UQCRC1: variants seen among roughly 807,000 people sequenced by gnomAD.
UQCRC1 encodes the protein ubiquinol-cytochrome c reductase core protein 1, also known as cytochrome b-c1 complex subunit 1, mitochondrial.
Under a neutral mutation model 58.0 loss-of-function variants are expected in UQCRC1, and 34 were observed. The observed-to-expected ratio is 0.59, with a 90% CI of 0.45 to 0.78. The LOEUF is 0.78. Among genes scored for constraint, UQCRC1 ranks in the 30% least tolerant of loss-of-function variants. The pLI is 0.00. For missense variants in UQCRC1, 610 were observed against 646.0 expected, an observed-to-expected ratio of 0.94 and a Z score of 0.60; for synonymous variants, 276 against 248.8, an observed-to-expected ratio of 1.11 and a Z score of -1.03.
chr3:48,605,161 C>T (rs748416520), intron 3 of UQCRC1, among the ~76,000 whole-genome samples: 10 of 152,238 alleles, frequency 6.6e-5, no homozygotes, highest in Non-Finnish European at 1.5e-4. Context: ...ACCCACTCCT[C>T]CCATGCCATT....
Position 48,601,115 on chromosome 3 carries a change from G to A in UQCRC1, c.826C>T (p.Arg276Cys), listed in dbSNP as rs201911056. 81 of 1,598,934 alleles carry A rather than the reference G, an allele frequency of 5.1e-5. No individual in the cohort carries two copies. The highest frequency in any genetic ancestry group is 3.7e-4 in the South Asian group (33 of 89,966). ...TPCRFTGSEIRHRDDALPFAH... is the reference protein window; with the variant it reads ...TPCRFTGSEICHRDDALPFAH... ...AAAGGTAGAGCATCATCACGGTGGC[G>A]GATCTGAAACAGTACATGACAAGGC... The change falls in exon 8 of 13, where the codon CGC becomes TGC. Residue 276 changes from arginine (R) to cysteine (C), a missense_variant. Physicochemically the swap from Arg to Cys is radical, Grantham distance 180. Transcript: ENST00000203407.
At chr3:48,609,069 C>A in intron 2 of UQCRC1, 93 bp downstream of exon 2, 1 of 1,510,544 alleles carries the variant, frequency 6.6e-7, no homozygotes, top group Non-Finnish European at 8.9e-7. Flanking sequence ...AAACCACAAA[C>A]GGGAAGACTC....
intron 2 of UQCRC1, among the ~76,000 whole-genome samples, chr3:48,607,282 T>C (rs1307680863): frequency 2.0e-5 from 3 of 151,986 alleles, no homozygotes; most frequent in East Asian, 1.9e-4. Flanking sequence ...ACCTTGTGAT[T>C]CGCCCGCCTC....
At chr3:48,601,577 AG>A in intron 6 of UQCRC1, 110 bp from the exon 7 acceptor site, 1 of 954,914 alleles carries the variant, frequency 1.0e-6, no homozygotes. Flanking sequence ...GGGAGAAACC[AG>A]GAGTATGTGA....
rs751867237 is a variant in UQCRC1 at position 48,601,057 on chromosome 3, C to T, written c.884G>A (p.Gly295Asp). Residue 295 changes from glycine (G) to aspartate (D), a missense_variant, in exon 8 of 13, where the codon GGC (glycine) becomes GAC (aspartate). By Grantham distance (94) the Gly-to-Asp change is moderately conservative. Coordinates refer to ENST00000203407, the MANE Select transcript of UQCRC1 (RefSeq NM_003365.3). ...GGCCACATTGTCCGGGCTGGCCCAG[C>T]CAGGACCCTCTACTGCAATGGCCAC... is the stretch of plus-strand genomic sequence containing the variant. ...AHVAIAVEGP[G>D]WASPDNVALQ... The T allele has an allele frequency of 5.0e-6, 8 of 1,610,726 alleles. No individual in the cohort carries two copies. Among genetic ancestry groups the T allele is most frequent in the Non-Finnish European group, 6.8e-6 (8 of 1,177,328 alleles).
chr3:48,605,325 A>G (rs563383321), intron 3 of UQCRC1, among the ~76,000 whole-genome samples: 70 of 152,316 alleles, frequency 4.6e-4, no homozygotes, highest in African/African-American at 1.6e-3. Flanking sequence ...TAGGTTGCCT[A>G]CTATGGCTCC....
chr3:48,607,583 G>A (rs1275064058), intron 2 of UQCRC1, among the ~76,000 whole-genome samples: 1 of 150,130 alleles, frequency 6.7e-6, no homozygotes, highest in Non-Finnish European at 1.5e-5. Flanking sequence ...TTAAGACAGA[G>A]GGCCTTGCTC....
chr3:48,601,867 C>G (rs1335605942), intron 6 of UQCRC1, among the ~76,000 whole-genome samples: 1 of 152,162 alleles, frequency 6.6e-6, no homozygotes, highest in African/African-American at 2.4e-5. Flanking sequence ...GCTGCTGGCC[C>G]TGCAGGGGGT....
chr3:48,600,047 CA>C lies in UQCRC1; in HGVS notation c.1302+15del, dbSNP rs749871981. 9.9e-6 allele frequency: 16 copies of C among 1,613,972 alleles called. No individual in the cohort carries two copies. The highest frequency in any genetic ancestry group is 1.3e-5 in the African/African-American group (1 of 74,926). On this transcript the variant is annotated intron_variant, in intron 11 of 12. Coordinates refer to ENST00000203407, the MANE Select transcript of UQCRC1 (RefSeq NM_003365.3). The stretch of plus-strand genomic sequence containing the variant: ...CAGGCCAAGACTCCAGAACCTCTCC[CA>C]GGGGTCCATGTTACCGCAATCCGGC...
chr3:48,604,057 A>G (rs2046389428), intron 5 of UQCRC1, 176 bp downstream of exon 5: 4 of 695,708 alleles, frequency 5.7e-6, no homozygotes, highest in East Asian at 5.3e-5. Context: ...ATTCAAGTGA[A>G]GCCCACAAAG....
chr3:48,600,439 G>GC, intron 10 of UQCRC1, 43 bp downstream of exon 10: 1 of 1,608,458 alleles, frequency 6.2e-7, no homozygotes, highest in South Asian at 1.1e-5. Flanking sequence ...GCTGTCGCTG[G>GC]CAAGATGTAC....
chr3:48,609,426 C>G (rs1394451809), intron 1 of UQCRC1, 124 bp from the exon 2 acceptor site: 1 of 1,511,198 alleles, frequency 6.6e-7, no homozygotes, highest in Non-Finnish European at 8.9e-7. Context: ...CCCCGCCCTC[C>G]GCCGTGACCT....
At chr3:48,600,178 G>A in intron 10 of UQCRC1, 27 bp from the exon 11 acceptor site, 1 of 1,612,174 alleles carries the variant, frequency 6.2e-7, no homozygotes, top group Non-Finnish European at 8.5e-7. Flanking sequence ...AGGCTCAGAG[G>A]TCCACCCAGC....
At chr3:48,602,915 C>G (rs1281349147) in intron 6 of UQCRC1, among the ~76,000 whole-genome samples, 2 of 152,056 alleles carry the variant, frequency 1.3e-5, no homozygotes, top group Non-Finnish European at 2.9e-5. Flanking sequence ...ATCTACTGCT[C>G]CCCCTTGCTC....
chr3:48,604,561 G>C, intron 4 of UQCRC1, 90 bp downstream of exon 4: 1 of 1,598,330 alleles, frequency 6.3e-7, no homozygotes. Context: ...TACGCTAAGG[G>C]TAATATGATT....
intron 9 of UQCRC1, 42 bp from the exon 10 acceptor site, chr3:48,600,609 G>A: frequency 6.2e-7 from 1 of 1,614,128 alleles, no homozygotes; most frequent in Non-Finnish European, 8.5e-7. Context: ...GAGCCAGTGT[G>A]TCATCTCTCA....
rs573622450 is a variant in UQCRC1, at chr3:48,606,002, G to A, written c.211-146C>T. On this transcript the variant is annotated intron_variant, in intron 2 of 12. Transcript: ENST00000203407. ...AGAGCTGCCCCAGCAGGACCCCTGT[G>A]CTTGGGGACACAGTCATGCTTGGAA... 3 of 696,294 alleles carry A rather than the reference G, an allele frequency of 4.3e-6. No homozygotes were observed. The South Asian group carries it at 6.1e-5, about 14-fold the overall frequency. 43.1% of individuals were successfully genotyped at this position (696,294 alleles called of 1,614,324 possible). A position where few individuals can be genotyped will look rare whatever the true frequency, so the allele number is the denominator to read the frequency against.
chr3:48,599,248 T>C (rs2046339126), intron 12 of UQCRC1, 56 bp from the exon 13 acceptor site: 1 of 1,533,118 alleles, frequency 6.5e-7, no homozygotes, highest in South Asian at 1.2e-5. Flanking sequence ...CAGGGACACC[T>C]GGCCCTGTGC....
intron 3 of UQCRC1, among the ~76,000 whole-genome samples, chr3:48,605,116 G>C (rs2046399548): frequency 6.6e-6 from 1 of 152,160 alleles, no homozygotes; most frequent in Non-Finnish European, 1.5e-5. Flanking sequence ...GACAGCCATG[G>C]TCAGGTAAGC....
Sources: allele counts gnomAD v4.1 joint callset (sites outside exome capture counted in the v4.1 genomes callset), GRCh38; gene constraint gnomAD v4.1.1; transcripts MANE v1.5; gene names NCBI Gene and HGNC (gene_info 2026-07-23, HGNC 2026-07-21).